MORC1: variants seen among roughly 807,000 people sequenced by gnomAD.
MORC1 encodes MORC family CW-type zinc finger 1, also known as MORC family CW-type zinc finger protein 1.
In MORC1, 59 loss-of-function variants were observed where a neutral mutation model predicts 134.9. The ratio of observed to expected loss-of-function variants is 0.44; its 90% CI spans 0.35 to 0.54. The LOEUF (loss-of-function observed/expected upper bound fraction) is 0.54, where lower values mean the gene tolerates loss of function less well. Among genes scored for constraint, MORC1 ranks in the 20% least tolerant of loss-of-function variants. The probability of loss-of-function intolerance (pLI) is 0.00; values close to 1 mark genes in which losing one functional copy is unlikely to be tolerated. For missense variants in MORC1, 947 were observed against 1,134.5 expected, an observed-to-expected ratio of 0.83 and a Z score of 2.37; for synonymous variants, 395 against 391.7, an observed-to-expected ratio of 1.01 and a Z score of -0.10.
chr3:109,023,690 C>T (rs1453517601), intron 17 of MORC1, among the ~76,000 whole-genome samples: 2 of 152,088 alleles, frequency 1.3e-5, no homozygotes, highest in African/African-American at 4.8e-5. Flanking sequence ...GAGAAAGAGG[C>T]AAATTTGAGA....
chr3:108,984,794 C>T lies in MORC1; in HGVS notation c.2258-12G>A, dbSNP rs1236808010. On this transcript the variant is annotated splice_polypyrimidine_tract_variant and intron_variant, in intron 22 of 27. Coordinates refer to ENST00000232603, the MANE Select transcript of MORC1 (RefSeq NM_014429.4). ...CAGCTCCTGTTTTTCTTCAAAAGAACATAGACAAACAATCGCATTTGGATG... is the reference window on the plus strand; with the variant it reads ...CAGCTCCTGTTTTTCTTCAAAAGAATATAGACAAACAATCGCATTTGGATG... The T allele has an allele frequency of 8.1e-6, 13 of 1,596,020 alleles. No individual in the cohort carries two copies. Among genetic ancestry groups the T allele is most frequent in the African/African-American group, 1.3e-5 (1 of 74,150 alleles).
intron 9 of MORC1, 118 bp downstream of exon 9, chr3:109,069,514 T>C: frequency 9.8e-7 from 1 of 1,018,420 alleles, no homozygotes; most frequent in South Asian, 2.4e-5. Flanking sequence ...GTTTAAATTT[T>C]GTTTACAATG....
At chr3:109,041,854 G>A (rs1346260549) in intron 14 of MORC1, among the ~76,000 whole-genome samples, 1 of 151,622 alleles carries the variant, frequency 6.6e-6, no homozygotes, top group Non-Finnish European at 1.5e-5. Context: ...CAAAGCATGA[G>A]AATTGTTTGA....
At chr3:109,116,895 T>C (rs1392741446) in intron 1 of MORC1, among the ~76,000 whole-genome samples, 2 of 152,058 alleles carry the variant, frequency 1.3e-5, no homozygotes, top group Non-Finnish European at 2.9e-5. Flanking sequence ...CAGTTGAAAA[T>C]GGTACTGGGG....
intron 24 of MORC1, among the ~76,000 whole-genome samples, chr3:108,974,132 C>G (rs1489499566): frequency 6.6e-6 from 1 of 152,078 alleles, no homozygotes; most frequent in Non-Finnish European, 1.5e-5. Flanking sequence ...CTTTCACTCT[C>G]TTCCACATCA....
chr3:108,987,294 A>G (rs1947920793), intron 21 of MORC1, among the ~76,000 whole-genome samples: 1 of 152,222 alleles, frequency 6.6e-6, no homozygotes, highest in Non-Finnish European at 1.5e-5. Flanking sequence ...TTCACCAGCA[A>G]CAACCATTGA....
chr3:109,005,329 G>T lies in MORC1; in HGVS notation c.1768-14C>A. 1 of 1,569,334 alleles carries T rather than the reference G, an allele frequency of 6.4e-7. No homozygotes were observed. Among genetic ancestry groups the T allele is most frequent in the Non-Finnish European group, 8.6e-7 (1 of 1,164,178 alleles). On this transcript the variant is annotated splice_polypyrimidine_tract_variant and intron_variant, in intron 18 of 27. Coordinates refer to ENST00000232603, the MANE Select transcript of MORC1 (RefSeq NM_014429.4). ...TTTGGTATTTTCCTTAAATAACAAA[G>T]AACATGTTTTTATTTTTTGGTAGAT...
Position 109,043,635 on chromosome 3 carries a change from G to C in MORC1, c.1331-8167C>G, listed in dbSNP as rs560106960. ...ACAAAAGAGCCCTGCAGAAATTTAA[G>C]TTTGCTGTTGTCACGTATTTTTCCT... On this transcript the variant is annotated intron_variant, in intron 14 of 27. Transcript: ENST00000232603. Among the ~76,000 whole-genome samples, 4 of 152,030 alleles carry C rather than the reference G, an allele frequency of 2.6e-5. No individual in the cohort carries two copies. In the East Asian group the frequency reaches 7.7e-4, roughly 29 times the overall value.
intron 14 of MORC1, among the ~76,000 whole-genome samples, chr3:109,039,992 C>T (rs1190258591): frequency 6.6e-6 from 1 of 152,008 alleles, no homozygotes; most frequent in Non-Finnish European, 1.5e-5. Flanking sequence ...ATTAGGAAGT[C>T]ACTGCACGTG....
At position 109,005,050 on chromosome 3, in the gene MORC1, A is replaced by C; in HGVS notation, c.2013+20T>G. 1 of 1,596,150 alleles carries C rather than the reference A, an allele frequency of 6.3e-7. No individual in the cohort carries two copies. Among genetic ancestry groups the C allele is most frequent in the Non-Finnish European group, 8.5e-7 (1 of 1,172,398 alleles). On this transcript the variant is annotated intron_variant, in intron 19 of 27. Coordinates refer to ENST00000232603, the MANE Select transcript of MORC1 (RefSeq NM_014429.4). Reference sequence around the variant, plus strand: ...CCAGAATGAGTGAATTGTTTTGTGAATAAGAAACAATAATAATACCTGGGA... The same window carrying C: ...CCAGAATGAGTGAATTGTTTTGTGACTAAGAAACAATAATAATACCTGGGA...
At chr3:109,035,767 CAT>C (rs1396021160) in intron 14 of MORC1, among the ~76,000 whole-genome samples, 19 of 151,994 alleles carry the variant, frequency 1.3e-4, no homozygotes, top group Admixed American at 7.2e-4. Flanking sequence ...TGCAATAAAA[CAT>C]ATTGACATTT....
intron 17 of MORC1, among the ~76,000 whole-genome samples, chr3:109,011,491 A>G (rs1050298925): frequency 2.7e-5 from 4 of 146,992 alleles, no homozygotes; most frequent in Non-Finnish European, 4.5e-5. Flanking sequence ...TTTTAACTGC[A>G]TTGTCTTATT....
rs1220314712 is a variant in MORC1, at chr3:109,040,352, CTGAA to C, written c.1331-4888_1331-4885del. Among the ~76,000 whole-genome samples, 244 of 35,926 alleles carry C rather than the reference CTGAA, an allele frequency of 6.8e-3. 6 individuals are homozygous for C. Among genetic ancestry groups the C allele is most frequent in the Middle Eastern group, 0.01 (1 of 96 alleles). 23.6% of individuals were successfully genotyped at this position (35,926 alleles called of 152,430 possible). A position where few individuals can be genotyped will look rare whatever the true frequency, so the allele number is the denominator to read the frequency against. ...GACTGTCTCAAAGACACTCAAAGAA[CTGAA>C]AGAAAGAAAGAAAGAAAGAAAGAAA... On this transcript the variant is annotated intron_variant, in intron 14 of 27. Coordinates refer to ENST00000232603, the MANE Select transcript of MORC1 (RefSeq NM_014429.4).
chr3:109,063,309 T>C (rs1950123946), intron 9 of MORC1, 78 bp from the exon 10 acceptor site: 2 of 921,360 alleles, frequency 2.2e-6, no homozygotes, highest in Admixed American at 3.7e-5. Context: ...TTAGTAAGAC[T>C]ATATGCTCCA....
intron 4 of MORC1, among the ~76,000 whole-genome samples, chr3:109,102,974 C>T (rs1950958275): frequency 6.6e-6 from 1 of 152,186 alleles, no homozygotes; most frequent in Non-Finnish European, 1.5e-5. Context: ...CTTGCTAATA[C>T]TCTTCAACTA....
intron 18 of MORC1, 133 bp downstream of exon 18, chr3:109,006,896 T>C: frequency 4.1e-6 from 2 of 491,646 alleles, no homozygotes; most frequent in Non-Finnish European, 3.5e-6. Context: ...AAGAATAAAA[T>C]GGCAGTTAAA....
intron 16 of MORC1, among the ~76,000 whole-genome samples, chr3:109,028,470 G>A (rs1156478223): frequency 6.6e-6 from 1 of 152,150 alleles, no homozygotes; most frequent in Non-Finnish European, 1.5e-5. Flanking sequence ...CAAGTGCTCT[G>A]CTGTCGTAAG....
intron 8 of MORC1, among the ~76,000 whole-genome samples, chr3:109,074,653 T>C (rs751057401): frequency 6.6e-6 from 1 of 152,214 alleles, no homozygotes; most frequent in Non-Finnish European, 1.5e-5. Context: ...GTGAAAGCAT[T>C]TGTCATGTCC....
At chr3:109,056,767 T>C (rs942912492) in intron 13 of MORC1, among the ~76,000 whole-genome samples, 7 of 152,134 alleles carry the variant, frequency 4.6e-5, no homozygotes, top group Admixed American at 3.9e-4. Flanking sequence ...CCTGACCCAT[T>C]CTATTGGTCA....
Sources: allele counts gnomAD v4.1 joint callset (sites outside exome capture counted in the v4.1 genomes callset), GRCh38; gene constraint gnomAD v4.1.1; transcripts MANE v1.5; gene names NCBI Gene and HGNC (gene_info 2026-07-23, HGNC 2026-07-21).